RB1: variants seen among roughly 807,000 people sequenced by gnomAD.
RB1 encodes the protein RB transcriptional corepressor 1.
RB1 carries 18 observed loss-of-function variants against 135.4 expected under a neutral mutation model. That is an observed-to-expected ratio of 0.13 (90% confidence interval 0.09 to 0.20). The LOEUF is 0.20. Ranked by LOEUF, RB1 falls within the 10% of genes least tolerant of loss-of-function variation. The pLI, the probability that RB1 is intolerant of heterozygous loss-of-function variation, is 1.00. For synonymous variants in RB1, 365 were observed against 373.2 expected (o/e 0.98, Z 0.25); for missense variants, 868 against 1,110.0 (o/e 0.78, Z 3.10).
At chr13:48,339,032 A>C (rs1413062297) in intron 2 of RB1, among the ~76,000 whole-genome samples, 1 of 152,120 alleles carries the variant, frequency 6.6e-6, no homozygotes, top group Non-Finnish European at 1.5e-5. Context: ...GTTCCTCTGG[A>C]AGCTTCGTCT....
chr13:48,466,405 T>C (rs1188142295), intron 23 of RB1, among the ~76,000 whole-genome samples: 1 of 110,770 alleles, frequency 9.0e-6, no homozygotes, highest in Admixed American at 9.8e-5. Context: ...AAAACCCATC[T>C]GTACATCACC....
chr13:48,313,104 C>T (rs1952145349), intron 2 of RB1, among the ~76,000 whole-genome samples: 1 of 152,088 alleles, frequency 6.6e-6, no homozygotes, highest in Non-Finnish European at 1.5e-5. Context: ...TCTTCCCTTC[C>T]ATATGAATCT....
intron 15 of RB1, 28 bp from the exon 16 acceptor site, chr13:48,380,137 T>G: frequency 1.3e-6 from 2 of 1,505,958 alleles, no homozygotes; most frequent in Non-Finnish European, 1.8e-6. Flanking sequence ...GAAGTAAGTA[T>G]TTTATAATCT....
chr13:48,440,302 G>T (rs1205751781), intron 17 of RB1, among the ~76,000 whole-genome samples: 1 of 152,158 alleles, frequency 6.6e-6, no homozygotes, highest in Middle Eastern at 3.2e-3. Flanking sequence ...TCCTGAGATA[G>T]AAGTGGTTGA....
chr13:48,316,539 G>A (rs1430025159), intron 2 of RB1, among the ~76,000 whole-genome samples: 1 of 151,976 alleles, frequency 6.6e-6, no homozygotes, highest in Non-Finnish European at 1.5e-5. Flanking sequence ...CTACAAAATT[G>A]AACAACAGTA....
chr13:48,440,552 CAT>C (rs1029391715), intron 17 of RB1, among the ~76,000 whole-genome samples: 1 of 152,106 alleles, frequency 6.6e-6, no homozygotes, highest in African/African-American at 2.4e-5. Flanking sequence ...TATTTGGCTT[CAT>C]ATATATAAAG....
At chr13:48,317,514 A>G in intron 2 of RB1, 1 of 445,988 alleles carries the variant, frequency 2.2e-6, no homozygotes, top group South Asian at 2.1e-5. Flanking sequence ...AGCTCCCCCC[A>G]GCACCTCCGG....
At chr13:48,327,997 G>A (rs776934746) in intron 2 of RB1, 5 of 602,672 alleles carry the variant, frequency 8.3e-6, no homozygotes, top group Non-Finnish European at 1.5e-5. Context: ...TGGCTCCAAA[G>A]GTAGTCTTAT....
chr13:48,421,690 A>G (rs772067387), intron 17 of RB1, among the ~76,000 whole-genome samples: 1 of 152,226 alleles, frequency 6.6e-6, no homozygotes, highest in Non-Finnish European at 1.5e-5. Flanking sequence ...AAACAACTCC[A>G]TCAAAAAGTG....
intron 2 of RB1, chr13:48,318,421 T>G: frequency 6.7e-7 from 1 of 1,492,958 alleles, no homozygotes; most frequent in Non-Finnish European, 9.2e-7. Flanking sequence ...TCCTCGTCAC[T>G]GTCCAGGGAG....
intron 24 of RB1, among the ~76,000 whole-genome samples, chr13:48,473,786 C>A (rs928238001): frequency 6.6e-6 from 1 of 151,968 alleles, no homozygotes; most frequent in African/African-American, 2.4e-5. Flanking sequence ...CACTAATTAC[C>A]CAGAGTCAGC....
chr13:48,438,796 AT>A (rs1252481064), intron 17 of RB1, among the ~76,000 whole-genome samples: 1 of 152,204 alleles, frequency 6.6e-6, no homozygotes, highest in African/African-American at 2.4e-5. Flanking sequence ...CTGGCATTCA[AT>A]AAATGTTATC....
At chr13:48,456,540 T>C (rs1949361618) in intron 19 of RB1, among the ~76,000 whole-genome samples, 191 bp downstream of exon 19, 1 of 152,138 alleles carries the variant, frequency 6.6e-6, no homozygotes, top group Non-Finnish European at 1.5e-5. Context: ...GTCGTTTTTC[T>C]GGCCGGAAAC....
intron 6 of RB1, among the ~76,000 whole-genome samples, chr13:48,349,746 T>C (rs746347779): frequency 2.6e-5 from 4 of 152,024 alleles, no homozygotes; most frequent in Non-Finnish European, 4.4e-5. Flanking sequence ...AGACACAGAC[T>C]GGTTGAATGA....
intron 19 of RB1, among the ~76,000 whole-genome samples, chr13:48,457,486 G>C (rs566690074): frequency 6.6e-6 from 1 of 152,198 alleles, no homozygotes; most frequent in African/African-American, 2.4e-5. Context: ...GCCCAGAAAA[G>C]GTACCACAAG....
At chr13:48,359,965 T>A (rs2138107348) in intron 6 of RB1, 52 bp from the exon 7 acceptor site, 1 of 1,602,694 alleles carries the variant, frequency 6.2e-7, no homozygotes, top group Non-Finnish European at 8.5e-7. Context: ...TTTTCTCTCA[T>A]ACAAAGATCT....
chr13:48,338,145 C>T (rs1952402393), intron 2 of RB1, among the ~76,000 whole-genome samples: 1 of 152,256 alleles, frequency 6.6e-6, no homozygotes, highest in Admixed American at 6.5e-5. Flanking sequence ...GTGAATCTGA[C>T]AATTATGTGT....
At chr13:48,403,133 C>T (rs543248523) in intron 17 of RB1, among the ~76,000 whole-genome samples, 131 of 152,176 alleles carry the variant, frequency 8.6e-4, no homozygotes, top group African/African-American at 3.1e-3. Context: ...TTAAAGATCT[C>T]CTGTGTTTTG....
At chr13:48,336,382 A>C (rs1291030858) in intron 2 of RB1, among the ~76,000 whole-genome samples, 2 of 152,216 alleles carry the variant, frequency 1.3e-5, no homozygotes, top group African/African-American at 4.8e-5. Context: ...TGGTCTATTC[A>C]GGGATTCAAC....
Sources: allele counts gnomAD v4.1 joint callset (sites outside exome capture counted in the v4.1 genomes callset), GRCh38; gene constraint gnomAD v4.1.1; transcripts MANE v1.5; gene names NCBI Gene and HGNC (gene_info 2026-07-23, HGNC 2026-07-21).